Variants in LPP observed in about 807,000 individuals in gnomAD.
LPP encodes LIM domain containing preferred translocation partner in lipoma.
Under a neutral mutation model 60.4 loss-of-function variants are expected in LPP, and 38 were observed. That is an observed-to-expected ratio of 0.63 (90% CI 0.49 to 0.83). The LOEUF is 0.83. LPP is among the 40% of genes least tolerant of loss of function. LPP has a pLI of 0.00. For synonymous variants in LPP, 328 were observed against 290.8 expected, an observed-to-expected ratio of 1.13 and a Z score of -1.30; for missense variants, 902 against 783.6, an observed-to-expected ratio of 1.15 and a Z score of -1.80.
At chr3:188,702,062 G>A (rs1224513252) in intron 7 of LPP, among the ~76,000 whole-genome samples, 1 of 142,262 alleles carries the variant, frequency 7.0e-6, no homozygotes, top group Non-Finnish European at 1.5e-5. Flanking sequence ...CAATTCTTCT[G>A]CCTCAGCCTC....
rs986621103 is a variant in LPP, at chr3:188,512,120, C to T, written c.307-12545C>T. On this transcript the variant is annotated intron_variant, in intron 5 of 11. Transcript: ENST00000617246. ...TGGAATAGCGACGTAAATTCCCCTT[C>T]TAGTTCTAATATTTTATGAGCCTTA... Among the ~76,000 whole-genome samples, 9 of 152,154 alleles carry T rather than the reference C, an allele frequency of 5.9e-5. No homozygotes were observed. In the East Asian group the frequency reaches 1.7e-3, roughly 29 times the overall value.
chr3:188,840,875 A>G (rs1027746444), intron 9 of LPP, among the ~76,000 whole-genome samples: 3 of 152,276 alleles, frequency 2.0e-5, no homozygotes, highest in East Asian at 1.9e-4. Context: ...TGTTTCTAGC[A>G]CCCTTTGGCC....
intron 9 of LPP, among the ~76,000 whole-genome samples, chr3:188,782,083 C>T (rs1739981094): frequency 6.6e-6 from 1 of 152,114 alleles, no homozygotes; most frequent in Non-Finnish European, 1.5e-5. Context: ...ATGCTTGTAC[C>T]AAAGCCCACA....
At chr3:188,229,735 C>T (rs1427502430) in intron 2 of LPP, among the ~76,000 whole-genome samples, 1 of 152,192 alleles carries the variant, frequency 6.6e-6, no homozygotes, top group East Asian at 1.9e-4. Context: ...CTTCCTTCCT[C>T]CTAATTCCAC....
At chr3:188,299,460 T>C (rs1749017117) in intron 2 of LPP, among the ~76,000 whole-genome samples, 1 of 152,224 alleles carries the variant, frequency 6.6e-6, no homozygotes, top group South Asian at 2.1e-4. Flanking sequence ...TGAATCTTCG[T>C]CTCTGATTCC....
intron 10 of LPP, among the ~76,000 whole-genome samples, chr3:188,870,061 T>A (rs1158494929): frequency 1.3e-5 from 2 of 152,222 alleles, no homozygotes; most frequent in African/African-American, 4.8e-5. Flanking sequence ...TACATCTTAA[T>A]CTCTGTGTTT....
In LPP at chr3:188,376,375, G is replaced by T. The variant is rs528323170; in HGVS notation, c.-9-29737G>T. Among the ~76,000 whole-genome samples, 61 of 152,268 alleles carry T rather than the reference G, an allele frequency of 4.0e-4. No individual in the cohort carries two copies. The East Asian group carries it at 0.01, about 26-fold the overall frequency. The stretch of plus-strand genomic sequence containing the variant: ...GTAGGTCACTAAGGACTTGCTTTAT[G>T]AATCTGGGTGCTCCTATATTGGGTG... On this transcript the variant is annotated intron_variant, in intron 3 of 11. Coordinates refer to ENST00000617246, the MANE Select transcript of LPP (RefSeq NM_001375462.1).
chr3:188,443,088 T>C (rs1794419933), intron 4 of LPP, among the ~76,000 whole-genome samples: 1 of 152,234 alleles, frequency 6.6e-6, no homozygotes, highest in African/African-American at 2.4e-5. Flanking sequence ...TGATCTTTTC[T>C]CTCAGAACTT....
chr3:188,886,714 T>C lies in LPP; in HGVS notation c.*12235T>C, dbSNP rs990442478. The C allele has an allele frequency of 2.5e-5, 5 of 196,438 alleles. No homozygotes were observed. The highest frequency in any genetic ancestry group is 1.4e-4 in the African/African-American group (5 of 35,112). 12.2% of individuals were successfully genotyped at this position (196,438 alleles called of 1,614,324 possible). ...TTAGGGATCATACAATTGTATTGTCTTCAAAACACACACACACACACATAC... is the reference window on the plus strand; with the variant it reads ...TTAGGGATCATACAATTGTATTGTCCTCAAAACACACACACACACACATAC... On this transcript the variant is annotated 3_prime_UTR_variant, in exon 12 of 12. Coordinates refer to ENST00000617246, the MANE Select transcript of LPP (RefSeq NM_001375462.1).
intron 2 of LPP, among the ~76,000 whole-genome samples, chr3:188,288,818 A>ACC (rs1553851075): frequency 7.4e-4 from 20 of 27,088 alleles, no homozygotes; most frequent in African/African-American, 3.2e-3. Context: ...TCCACCCCCC[A>ACC]CCCCCCACCC....
At chr3:188,224,951 C>G (rs750923328) in intron 1 of LPP, among the ~76,000 whole-genome samples, 4 of 151,466 alleles carry the variant, frequency 2.6e-5, no homozygotes, top group Non-Finnish European at 5.9e-5. Flanking sequence ...TGGGAAATGT[C>G]AAGATTGTTT....
chr3:188,559,192 G>A (rs1830128159), intron 6 of LPP, among the ~76,000 whole-genome samples: 2 of 152,082 alleles, frequency 1.3e-5, no homozygotes, highest in African/African-American at 4.8e-5. Context: ...GGGATTCAGA[G>A]TAATTCCTTG....
intron 9 of LPP, among the ~76,000 whole-genome samples, chr3:188,800,266 G>A (rs1235969027): frequency 2.6e-5 from 1 of 38,916 alleles, no homozygotes; most frequent in Non-Finnish European, 5.3e-5. Context: ...TTTTTTTTGA[G>A]ATGGAGTCTC....
intron 6 of LPP, among the ~76,000 whole-genome samples, chr3:188,575,763 T>C (rs1834470663): frequency 6.6e-6 from 1 of 152,176 alleles, no homozygotes; most frequent in Admixed American, 6.6e-5. Context: ...TTAGCGCTGC[T>C]GATGACGTGG....
intron 9 of LPP, among the ~76,000 whole-genome samples, chr3:188,820,329 CAG>C (rs530903609): frequency 8.0e-4 from 121 of 151,866 alleles, no homozygotes; most frequent in Admixed American, 1.5e-3. Flanking sequence ...GAGTCAAGAA[CAG>C]AGGAGAGGAG....
intron 2 of LPP, among the ~76,000 whole-genome samples, chr3:188,292,366 T>G (rs1746290726): frequency 6.6e-6 from 1 of 152,246 alleles, no homozygotes. Flanking sequence ...GAAAACTTAA[T>G]CTGTTTCATG....
At chr3:188,178,375 T>C (rs933621847) in intron 1 of LPP, among the ~76,000 whole-genome samples, 1 of 152,234 alleles carries the variant, frequency 6.6e-6, no homozygotes, top group African/African-American at 2.4e-5. Flanking sequence ...TCTTCATTTA[T>C]CTGTTTTTTT....
At chr3:188,625,738 G>C (rs903280091) in intron 7 of LPP, among the ~76,000 whole-genome samples, 21 of 152,102 alleles carry the variant, frequency 1.4e-4, no homozygotes, top group African/African-American at 4.6e-4. Context: ...CTGAATAAGA[G>C]ACCTGGACTA....
intron 4 of LPP, among the ~76,000 whole-genome samples, chr3:188,422,756 A>T (rs545345126): frequency 5.5e-4 from 83 of 152,272 alleles, no homozygotes; most frequent in Non-Finnish European, 9.7e-4. Flanking sequence ...TCAGTTGGAT[A>T]GTTCTGGTCT....
Sources: gnomAD v4.1 joint callset for allele counts (sites outside exome capture counted in the v4.1 genomes callset) on GRCh38, gnomAD v4.1.1 for gene constraint, MANE v1.5 for transcripts, NCBI Gene and HGNC (gene_info 2026-07-23, HGNC 2026-07-21) for gene names.